Variants in ATXN1 observed in about 807,000 individuals in gnomAD.
ATXN1 encodes ataxin-1.
A neutral mutation model predicts 56.4 loss-of-function variants in ATXN1; 8 were observed. The observed-to-expected ratio is 0.14, with a 90% CI of 0.08 to 0.26. ATXN1 has a LOEUF of 0.26. Among genes scored for constraint, ATXN1 ranks in the 10% least tolerant of loss-of-function variants. The pLI is 1.00. For synonymous variants in ATXN1, 514 were observed against 494.6 expected (o/e 1.04, Z -0.52); for missense variants, 987 against 1,106.5 (o/e 0.89, Z 1.53).
intron 3 of ATXN1, among the ~76,000 whole-genome samples, chr6:16,639,176 C>T (rs549816171): frequency 6.6e-5 from 10 of 152,282 alleles, no homozygotes; most frequent in African/African-American, 2.2e-4. Context: ...AAGCTGGCCA[C>T]GCCAGCCAGC....
intron 5 of ATXN1, among the ~76,000 whole-genome samples, chr6:16,491,181 A>T (rs939169471): frequency 7.5e-5 from 10 of 133,838 alleles, no homozygotes; most frequent in African/African-American, 2.9e-4. Context: ...GCAACCTCTG[A>T]CTCCGAGTTC....
At chr6:16,477,589 G>A (rs1413184752) in intron 6 of ATXN1, among the ~76,000 whole-genome samples, 1 of 152,194 alleles carries the variant, frequency 6.6e-6, no homozygotes, top group Non-Finnish European at 1.5e-5. Context: ...GGACTGTCAT[G>A]GTGTTTCCCT....
At chr6:16,440,162 G>A (rs911865916) in intron 6 of ATXN1, among the ~76,000 whole-genome samples, 11 of 151,356 alleles carry the variant, frequency 7.3e-5, no homozygotes, top group East Asian at 5.8e-4. Flanking sequence ...TGGGTGGATC[G>A]CTTGAACCCA....
intron 5 of ATXN1, among the ~76,000 whole-genome samples, chr6:16,510,103 C>T (rs565194132): frequency 7.9e-5 from 12 of 152,164 alleles, no homozygotes; most frequent in Admixed American, 5.9e-4. Context: ...AGTTTATCAC[C>T]TTCTGTCTTA....
In ATXN1 at chr6:16,761,333, A is replaced by AG. The variant is rs879544413; in HGVS notation, c.-766dup. ...AAATGGATCTGGGGTTGCGTGGGGA[A>AG]GGGGGGGCAGAGGGAGAGAAACAAT... On this transcript the variant is annotated 5_prime_UTR_variant, in exon 1 of 8. Coordinates refer to ENST00000436367, the MANE Select transcript of ATXN1 (RefSeq NM_001128164.2). 34 of 445,080 alleles carry AG rather than the reference A, an allele frequency of 7.6e-5. No individual in the cohort carries two copies. The highest frequency in any genetic ancestry group is 1.2e-4 in the Non-Finnish European group (26 of 222,692). The allele number at this position is 445,080 out of a possible 1,614,324, so 27.6% of individuals were successfully genotyped here.
intron 1 of ATXN1, 94 bp from the exon 2 acceptor site, chr6:16,753,441 C>A: frequency 2.3e-6 from 1 of 429,058 alleles, no homozygotes; most frequent in Non-Finnish European, 4.7e-6. Flanking sequence ...TGTCTATGCA[C>A]CGAAATACAA....
At chr6:16,755,261 CAG>C (rs781706542) in intron 1 of ATXN1, among the ~76,000 whole-genome samples, 2 of 152,132 alleles carry the variant, frequency 1.3e-5, no homozygotes, top group Non-Finnish European at 2.9e-5. Flanking sequence ...TAGGATAATA[CAG>C]AGAGTTTACA....
intron 2 of ATXN1, among the ~76,000 whole-genome samples, chr6:16,731,093 T>C (rs538081925): frequency 6.6e-6 from 1 of 152,152 alleles, no homozygotes. Flanking sequence ...TGAAAGACAC[T>C]GTATAACTGG....
intron 6 of ATXN1, among the ~76,000 whole-genome samples, chr6:16,427,557 C>T (rs943419127): frequency 5.9e-5 from 9 of 152,306 alleles, no homozygotes; most frequent in African/African-American, 1.4e-4. Context: ...GAGTGGTCCT[C>T]GTTTCTGATT....
chr6:16,327,588 T>C lies in ATXN1; in HGVS notation c.723A>G (p.Pro241=). ...TGTGGACGTACTGGTTCTGCTGGGC[T>C]GGTGGGGGGGACCCCGGGGTGATGA... The part of the protein sequence containing the change: ...PGLITPGSPP[P]AQQNQYVHIS... The change falls in exon 7 of 8, where the codon CCA becomes CCG. Residue 241 remains proline, a synonymous_variant. Coordinates refer to ENST00000436367, the MANE Select transcript of ATXN1 (RefSeq NM_001128164.2). 2 of 1,596,134 alleles carry C rather than the reference T, an allele frequency of 1.3e-6. No homozygotes were observed. The highest frequency in any genetic ancestry group is 1.7e-6 in the Non-Finnish European group (2 of 1,172,418).
intron 1 of ATXN1, chr6:16,754,059 T>C (rs1405566488): frequency 6.6e-6 from 1 of 152,182 alleles, no homozygotes; most frequent in Non-Finnish European, 1.5e-5. Flanking sequence ...ATCAGGGAGC[T>C]TGGTGCTTGT....
At chr6:16,411,156 G>GA (rs1758792099) in intron 6 of ATXN1, among the ~76,000 whole-genome samples, 1 of 142,118 alleles carries the variant, frequency 7.0e-6, no homozygotes, top group Admixed American at 7.0e-5. Context: ...GAAAAGAAAA[G>GA]AAAAGAAAAA....
chr6:16,586,565 T>C (rs1323317167), intron 3 of ATXN1, among the ~76,000 whole-genome samples: 1 of 152,240 alleles, frequency 6.6e-6, no homozygotes, highest in Non-Finnish European at 1.5e-5. Context: ...GGAATCATGT[T>C]TACCTCTGCA....
At chr6:16,486,535 C>T (rs532901820) in intron 5 of ATXN1, among the ~76,000 whole-genome samples, 20 of 152,242 alleles carry the variant, frequency 1.3e-4, no homozygotes, top group Admixed American at 1.1e-3. Flanking sequence ...TAATGCAAAG[C>T]GTTGTTGGTG....
intron 2 of ATXN1, among the ~76,000 whole-genome samples, chr6:16,724,986 T>G (rs1256919073): frequency 1.3e-5 from 2 of 152,148 alleles, no homozygotes; most frequent in South Asian, 4.2e-4. Flanking sequence ...CTAACATGAG[T>G]TTCCCAGAGA....
In ATXN1 at chr6:16,328,107, C is replaced by T. The variant is rs1311122053; in HGVS notation, c.204G>A (p.Glu68=). 18 of 1,596,968 alleles carry T rather than the reference C, an allele frequency of 1.1e-5. No individual in the cohort carries two copies. The highest frequency in any genetic ancestry group is 1.5e-5 in the Non-Finnish European group (17 of 1,168,262). ...GRHGPAGTSV[E]LGLQQGIGLH... is the part of the protein sequence containing the mutation. ...AACCTATTCCCTGTTGTAAACCAAG[C>T]TCCACCGAGGTCCCTGCCGGCCCAT... is the stretch of plus-strand genomic sequence containing the variant. The change falls in exon 7 of 8, where the codon GAG becomes GAA. Residue 68 remains glutamate, a synonymous_variant. Coordinates refer to ENST00000436367, the MANE Select transcript of ATXN1 (RefSeq NM_001128164.2). This position sits in a 1 kb window ranked among gnomAD's most constrained non-coding sequence, Gnocchi z 6.2.
chr6:16,710,773 A>G (rs1488332206), intron 2 of ATXN1, among the ~76,000 whole-genome samples: 2 of 151,440 alleles, frequency 1.3e-5, no homozygotes, highest in African/African-American at 4.9e-5. Context: ...TTTTTAGTAG[A>G]GATGGGGTTT....
intron 6 of ATXN1, among the ~76,000 whole-genome samples, chr6:16,365,129 A>T (rs1239887183): frequency 6.6e-6 from 1 of 152,170 alleles, no homozygotes; most frequent in Non-Finnish European, 1.5e-5. Context: ...TTACATATGT[A>T]TACATGTGCC....
Position 16,579,647 on chromosome 6 carries a change from T to G in ATXN1, c.-361+6133A>C, listed in dbSNP as rs571348736. Among the ~76,000 whole-genome samples, 4 of 152,226 alleles carry G rather than the reference T, an allele frequency of 2.6e-5. No homozygotes were observed. The East Asian group carries it at 7.7e-4, about 29-fold the overall frequency. On this transcript the variant is annotated intron_variant, in intron 4 of 7. Coordinates refer to ENST00000436367, the MANE Select transcript of ATXN1 (RefSeq NM_001128164.2). Reference sequence around the variant, plus strand: ...CGGCATCAGCACTGAATTCTTGTTTTGTTTGGCTATGTTTATTTGTTTAGG... The same window carrying G: ...CGGCATCAGCACTGAATTCTTGTTTGGTTTGGCTATGTTTATTTGTTTAGG...
Sources: allele counts gnomAD v4.1 joint callset (sites outside exome capture counted in the v4.1 genomes callset), GRCh38; gene constraint gnomAD v4.1.1; non-coding constraint Gnocchi (gnomAD v3.1); transcripts MANE v1.5; gene names NCBI Gene and HGNC (gene_info 2026-07-23, HGNC 2026-07-21).